The following TBL1X variants were observed in gnomAD, a reference collection of about 807,000 sequenced individuals.
TBL1X encodes the protein F-box-like/WD repeat-containing protein TBL1X.
Under a neutral mutation model 50.7 loss-of-function variants are expected in TBL1X, and 10 were observed. That is an observed-to-expected ratio of 0.20 (90% CI 0.12 to 0.33). The LOEUF (loss-of-function observed/expected upper bound fraction) is 0.33. Ranked by LOEUF, TBL1X falls within the 10% of genes least tolerant of loss-of-function variation. The pLI is 1.00. For missense variants in TBL1X, 340 were observed against 504.4 expected (o/e 0.67, Z 3.12); for synonymous variants, 190 against 214.7 (o/e 0.88, Z 1.01).
At chrX:9,566,423 T>C (rs7887711) in intron 2 of TBL1X, among the ~76,000 whole-genome samples, 4,124 of 111,945 alleles carry the variant, frequency 0.037, 166 homozygotes, top group African/African-American at 0.13. Flanking sequence ...CCAGCTTCCT[T>C]ACACAGACCT....
chrX:9,466,160 C>T (rs2081772598), intron 1 of TBL1X, among the ~76,000 whole-genome samples: 1 of 107,145 alleles, frequency 9.3e-6, no homozygotes, highest in Admixed American at 9.7e-5. Flanking sequence ...TGTTGCTGCT[C>T]CTGGGCTCTG....
intron 1 of TBL1X, among the ~76,000 whole-genome samples, chrX:9,468,375 C>T (rs998392804): frequency 1.8e-5 from 2 of 112,392 alleles, no homozygotes; most frequent in Admixed American, 9.4e-5. Flanking sequence ...GGAGCATTTG[C>T]CAATGTCTGG....
At chrX:9,577,863 G>A (rs974239155) in intron 2 of TBL1X, among the ~76,000 whole-genome samples, 1 of 112,495 alleles carries the variant, frequency 8.9e-6, no homozygotes, top group African/African-American at 3.2e-5. Context: ...AGCTATTCCA[G>A]TTTGTATTAA....
At chrX:9,549,923 G>A (rs769091940) in intron 2 of TBL1X, among the ~76,000 whole-genome samples, 1 of 111,603 alleles carries the variant, frequency 9.0e-6, no homozygotes, top group East Asian at 2.8e-4. Flanking sequence ...TGAGTCACTG[G>A]CACCTTCTGC....
chrX:9,466,460 A>G (rs2146917901), intron 1 of TBL1X, among the ~76,000 whole-genome samples: 1 of 112,949 alleles, frequency 8.9e-6, no homozygotes, highest in East Asian at 2.8e-4. Flanking sequence ...CCACAAAGGT[A>G]GGGACTGACG....
At chrX:9,582,657 A>T (rs188760361) in intron 2 of TBL1X, among the ~76,000 whole-genome samples, 3 of 112,423 alleles carry the variant, frequency 2.7e-5, no homozygotes, top group Non-Finnish European at 3.8e-5. Flanking sequence ...TGGGGTTCCA[A>T]TGTTTTCCTT....
At chrX:9,495,361 G>C (rs2081966368) in intron 1 of TBL1X, among the ~76,000 whole-genome samples, 1 of 110,951 alleles carries the variant, frequency 9.0e-6, no homozygotes, top group Non-Finnish European at 1.9e-5. Flanking sequence ...GATGTCTACG[G>C]AATGTGAAAA....
At chrX:9,613,263 A>C (rs1423289315) in intron 2 of TBL1X, among the ~76,000 whole-genome samples, 1 of 110,722 alleles carries the variant, frequency 9.0e-6, no homozygotes, top group Non-Finnish European at 1.9e-5. Context: ...CACCCTGCAG[A>C]CTCCAATAGG....
chrX:9,561,203 TG>T (rs1390097795), intron 2 of TBL1X, among the ~76,000 whole-genome samples: 2 of 111,454 alleles, frequency 1.8e-5, no homozygotes, highest in Non-Finnish European at 3.8e-5. Flanking sequence ...TGGAAAAGGC[TG>T]GGGCTTAGAA....
At chrX:9,565,160 T>C (rs2082343912) in intron 2 of TBL1X, among the ~76,000 whole-genome samples, 1 of 102,888 alleles carries the variant, frequency 9.7e-6, no homozygotes, top group Non-Finnish European at 2.0e-5. Flanking sequence ...TAGTCCCAGC[T>C]ACTCGGGAGG....
chrX:9,581,328 G>T (rs772176164), intron 2 of TBL1X, among the ~76,000 whole-genome samples: 1 of 111,783 alleles, frequency 8.9e-6, no homozygotes, highest in South Asian at 3.7e-4. Flanking sequence ...TGGATGGTTT[G>T]TTTTACCATT....
chrX:9,670,279 T>A (rs982424069), intron 5 of TBL1X, among the ~76,000 whole-genome samples: 1 of 110,919 alleles, frequency 9.0e-6, no homozygotes, highest in African/African-American at 3.3e-5. Flanking sequence ...ACCGGTCCTG[T>A]GGCCCCCCCT....
chrX:9,611,935 C>T (rs759543164), intron 2 of TBL1X, among the ~76,000 whole-genome samples: 3 of 112,427 alleles, frequency 2.7e-5, no homozygotes, highest in South Asian at 7.4e-4. Flanking sequence ...GCCAGGTCAG[C>T]GGCCCCAAAA....
At chrX:9,650,124 G>A (rs1296659769) in intron 3 of TBL1X, among the ~76,000 whole-genome samples, 5 of 112,285 alleles carry the variant, frequency 4.5e-5, no homozygotes, top group African/African-American at 9.7e-5. Flanking sequence ...ACCAAGCAGC[G>A]TCTGAGCCTG....
At chrX:9,600,764 G>A (rs2082552645) in intron 2 of TBL1X, among the ~76,000 whole-genome samples, 1 of 111,765 alleles carries the variant, frequency 8.9e-6, no homozygotes, top group Non-Finnish European at 1.9e-5. Context: ...GGTAGGACAG[G>A]CCTGAACACA....
At chrX:9,566,023 A>T (rs2082349693) in intron 2 of TBL1X, among the ~76,000 whole-genome samples, 1 of 112,374 alleles carries the variant, frequency 8.9e-6, no homozygotes, top group African/African-American at 3.2e-5. Flanking sequence ...AATTTTGTAC[A>T]TGTATTACTT....
intron 9 of TBL1X, among the ~76,000 whole-genome samples, chrX:9,692,682 A>G (rs914857009): frequency 8.9e-6 from 1 of 112,940 alleles, no homozygotes; most frequent in Non-Finnish European, 1.9e-5. Context: ...TGCTGGGATT[A>G]TAGGCGTGAG....
At chrX:9,699,381 G>T (rs185984767) in intron 12 of TBL1X, among the ~76,000 whole-genome samples, 1 of 112,100 alleles carries the variant, frequency 8.9e-6, no homozygotes, top group Non-Finnish European at 1.9e-5. Context: ...GGCTTAAAGT[G>T]GACAGAAGTG....
At chrX:9,650,929 T>C (rs2082830260) in intron 3 of TBL1X, among the ~76,000 whole-genome samples, 1 of 109,584 alleles carries the variant, frequency 9.1e-6, no homozygotes, top group African/African-American at 3.3e-5. Flanking sequence ...TTATCTACCG[T>C]CTTTCACAAA....
Sources: allele counts gnomAD v4.1 joint callset (sites outside exome capture counted in the v4.1 genomes callset), GRCh38; gene constraint gnomAD v4.1.1; transcripts MANE v1.5; gene names NCBI Gene and HGNC (gene_info 2026-07-23, HGNC 2026-07-21).